The following RBBP8 variants were observed in gnomAD, a reference collection of about 807,000 sequenced individuals.
RBBP8 encodes the protein DNA endonuclease RBBP8.
A neutral mutation model predicts 108.3 loss-of-function variants in RBBP8; 88 were observed. That is an observed-to-expected ratio of 0.81 (90% CI 0.68 to 0.97). The LOEUF is 0.97. Ranked by LOEUF, RBBP8 falls within the 50% of genes least tolerant of loss-of-function variation. The pLI is 0.00. For synonymous variants in RBBP8, 332 were observed against 348.2 expected (o/e 0.95, Z 0.52); for missense variants, 1,023 against 1,049.0 (o/e 0.98, Z 0.34).
At chr18:22,975,560 G>C (rs1914440251) in intron 6 of RBBP8, among the ~76,000 whole-genome samples, 1 of 152,046 alleles carries the variant, frequency 6.6e-6, no homozygotes, top group South Asian at 2.1e-4. Flanking sequence ...AGGGCAAACT[G>C]AATAAGTGTT....
At chr18:22,996,327 T>C in intron 12 of RBBP8, 47 bp from the exon 13 acceptor site, 2 of 1,607,840 alleles carry the variant, frequency 1.2e-6, no homozygotes, top group Non-Finnish European at 1.7e-6. Context: ...GTGATGAGAA[T>C]TTTTGAAATC....
chr18:22,914,827 T>C (rs1216429835), intron 1 of RBBP8, among the ~76,000 whole-genome samples: 1 of 152,168 alleles, frequency 6.6e-6, no homozygotes, highest in Non-Finnish European at 1.5e-5. Flanking sequence ...ATCTGGTAAC[T>C]GATTAACTAT....
At chr18:22,955,070 T>A (rs1912393766) in intron 4 of RBBP8, among the ~76,000 whole-genome samples, 1 of 152,252 alleles carries the variant, frequency 6.6e-6, no homozygotes, top group South Asian at 2.1e-4. Context: ...TTATTCTGCA[T>A]TTCTTAAAAC....
intron 2 of RBBP8, among the ~76,000 whole-genome samples, chr18:22,942,792 A>C (rs1235638402): frequency 6.6e-6 from 1 of 152,136 alleles, no homozygotes; most frequent in Non-Finnish European, 1.5e-5. Flanking sequence ...TATCAAGTTT[A>C]TTATCAAAAG....
chr18:23,017,046 G>C, intron 17 of RBBP8, 122 bp downstream of exon 17: 2 of 789,994 alleles, frequency 2.5e-6, no homozygotes, highest in Non-Finnish European at 4.2e-6. Context: ...TGAGCCAGGC[G>C]TAACAGCAGG....
At chr18:22,961,501 A>G (rs1156377657) in intron 4 of RBBP8, among the ~76,000 whole-genome samples, 1 of 152,204 alleles carries the variant, frequency 6.6e-6, no homozygotes, top group Non-Finnish European at 1.5e-5. Context: ...GGCTCAATAT[A>G]AGGATAAGAC....
chr18:23,002,023 T>C (rs1030585048), intron 15 of RBBP8, among the ~76,000 whole-genome samples: 2 of 152,214 alleles, frequency 1.3e-5, no homozygotes, highest in African/African-American at 4.8e-5. Context: ...GTATTACAAA[T>C]TTCTTTCTAA....
intron 4 of RBBP8, among the ~76,000 whole-genome samples, chr18:22,951,052 A>G (rs950279538): frequency 1.4e-4 from 22 of 152,258 alleles, no homozygotes; most frequent in African/African-American, 5.3e-4. Context: ...TACCAACTCA[A>G]TGGATGCACA....
At chr18:22,997,514 TA>T in intron 13 of RBBP8, 105 bp from the exon 14 acceptor site, 2 of 754,072 alleles carry the variant, frequency 2.7e-6, no homozygotes, top group Non-Finnish European at 2.3e-6. Context: ...TTAAAAGTTG[TA>T]AAATGTATGT....
chr18:22,919,554 A>T (rs1174967765), intron 3 of RBBP8, among the ~76,000 whole-genome samples: 1 of 152,028 alleles, frequency 6.6e-6, no homozygotes, highest in East Asian at 1.9e-4. Context: ...TTAATCACAT[A>T]TTCTTTTTTT....
chr18:22,975,579 T>C (rs1338914778), intron 6 of RBBP8, among the ~76,000 whole-genome samples: 1 of 152,134 alleles, frequency 6.6e-6, no homozygotes, highest in African/African-American at 2.4e-5. Flanking sequence ...TTTCCTCTTA[T>C]ATAGTACTCA....
At chr18:22,929,136 T>C (rs1470938200), upstream of RBBP8, among the ~76,000 whole-genome samples, 2 of 151,990 alleles carry the variant, frequency 1.3e-5, no homozygotes, top group Admixed American at 6.6e-5. Context: ...ATAAGTGAGG[T>C]TGGAAAGGAA....
intron 16 of RBBP8, among the ~76,000 whole-genome samples, chr18:23,012,207 CCAAAA>C (rs1349126886): frequency 8.0e-4 from 65 of 81,178 alleles, no homozygotes; most frequent in African/African-American, 3.0e-3. Context: ...GATGCTGTCT[CCAAAA>C]AAAAAAAAAA....
At chr18:22,960,444 G>C (rs1912994149) in intron 4 of RBBP8, among the ~76,000 whole-genome samples, 1 of 152,156 alleles carries the variant, frequency 6.6e-6, no homozygotes, top group African/African-American at 2.4e-5. Flanking sequence ...TACTCAGGCT[G>C]CTGAGGTGGG....
intron 3 of RBBP8, among the ~76,000 whole-genome samples, chr18:22,919,673 T>C (rs1012309012): frequency 5.9e-5 from 9 of 152,138 alleles, no homozygotes; most frequent in Middle Eastern, 3.2e-3. Flanking sequence ...TGCCTCAGAC[T>C]CTGGAGTAGC....
chr18:23,003,340 TC>T (rs1369604814), intron 15 of RBBP8, among the ~76,000 whole-genome samples: 1 of 152,244 alleles, frequency 6.6e-6, no homozygotes, highest in Non-Finnish European at 1.5e-5. Context: ...TTTTTCCCAG[TC>T]ACCCAGGCAT....
upstream of RBBP8, among the ~76,000 whole-genome samples, chr18:22,932,647 T>C (rs1298408943): frequency 6.6e-6 from 1 of 152,258 alleles, no homozygotes; most frequent in African/African-American, 2.4e-5. Context: ...CTAGTCTATT[T>C]TGTTCATTTG....
upstream of RBBP8, among the ~76,000 whole-genome samples, chr18:22,931,879 A>T (rs1910050182): frequency 6.6e-6 from 1 of 152,198 alleles, no homozygotes; most frequent in Non-Finnish European, 1.5e-5. Context: ...TGGAGAATAG[A>T]AGTTCAAATT....
rs56096515 is a variant in RBBP8 at position 23,012,208 on chromosome 18, CA to C, written c.2358-4597del. On this transcript the variant is annotated intron_variant, in intron 16 of 18. Transcript: ENST00000327155. ...GGGAGACAAAGTGAGATGCTGTCTCCAAAAAAAAAAAAAAAAAAAAAAACCA... is the reference window on the plus strand; with the variant it reads ...GGGAGACAAAGTGAGATGCTGTCTCCAAAAAAAAAAAAAAAAAAAAAACCA... Among the ~76,000 whole-genome samples, 9 of 109,614 alleles carry C rather than the reference CA, an allele frequency of 8.2e-5. No individual in the cohort carries two copies. In the East Asian group the frequency reaches 8.9e-4, roughly 11 times the overall value. The allele number at this position is 109,614 out of a possible 152,430, so 71.9% of individuals were successfully genotyped here.
Sources: allele counts gnomAD v4.1 joint callset (sites outside exome capture counted in the v4.1 genomes callset), GRCh38; gene constraint gnomAD v4.1.1; transcripts MANE v1.5; gene names NCBI Gene and HGNC (gene_info 2026-07-23, HGNC 2026-07-21).